Variants in SEMA5A observed in about 807,000 individuals in gnomAD.
SEMA5A encodes the protein semaphorin 5A, also known as semaphorin-5A.
A neutral mutation model predicts 135.5 loss-of-function variants in SEMA5A; 55 were observed. The ratio of observed to expected loss-of-function variants is 0.41; its 90% CI spans 0.33 to 0.51. The LOEUF (loss-of-function observed/expected upper bound fraction) is 0.51. SEMA5A is among the 20% of genes least tolerant of loss of function. SEMA5A has a pLI of 0.37. For synonymous variants in SEMA5A, 580 were observed against 546.5 expected, an observed-to-expected ratio of 1.06 and a Z score of -0.85; for missense variants, 1,290 against 1,419.9, an observed-to-expected ratio of 0.91 and a Z score of 1.47.
At chr5:9,110,432 AT>A (rs2150159847) in intron 15 of SEMA5A, among the ~76,000 whole-genome samples, 1 of 152,340 alleles carries the variant, frequency 6.6e-6, no homozygotes, top group East Asian at 1.9e-4. Flanking sequence ...AGGACGCTGG[AT>A]TGCAACAATT....
intron 21 of SEMA5A, among the ~76,000 whole-genome samples, chr5:9,046,254 C>T (rs1415992088): frequency 1.3e-5 from 2 of 152,182 alleles, no homozygotes; most frequent in Non-Finnish European, 2.9e-5. Context: ...CAACCCTGCA[C>T]CCAGTGAGAC....
intron 12 of SEMA5A, among the ~76,000 whole-genome samples, chr5:9,154,093 A>ATATATATATATATATATGTGTGTGTG (rs372321939): frequency 5.4e-5 from 4 of 73,502 alleles, no homozygotes; most frequent in Non-Finnish European, 7.3e-5. Context: ...ATATATATAT[A>ATATATATATATATATATGTGTGTGTG]TGTGTGTGTG....
intron 11 of SEMA5A, among the ~76,000 whole-genome samples, chr5:9,183,426 C>T (rs1744633627): frequency 6.6e-6 from 1 of 152,176 alleles, no homozygotes; most frequent in Non-Finnish European, 1.5e-5. Flanking sequence ...ATATCCCACT[C>T]CCAGAAGCGT....
At chr5:9,336,262 A>G (rs1753386490) in intron 4 of SEMA5A, among the ~76,000 whole-genome samples, 2 of 152,206 alleles carry the variant, frequency 1.3e-5, no homozygotes, top group South Asian at 4.1e-4. Flanking sequence ...CCATGTGAGA[A>G]TGAAAACAGG....
At chr5:9,381,942 T>TG (rs1755628173) in intron 2 of SEMA5A, among the ~76,000 whole-genome samples, 14 of 109,372 alleles carry the variant, frequency 1.3e-4, no homozygotes, top group African/African-American at 5.0e-4. Context: ...TAGAATCATT[T>TG]TGTGTGTGTG....
chr5:9,142,773 C>T (rs1742135069), intron 12 of SEMA5A, among the ~76,000 whole-genome samples: 1 of 152,160 alleles, frequency 6.6e-6, no homozygotes, highest in South Asian at 2.1e-4. Flanking sequence ...TCAAGACCAG[C>T]TTGGTCAACA....
chr5:9,149,824 G>C (rs1579485041), intron 12 of SEMA5A, among the ~76,000 whole-genome samples: 1 of 152,270 alleles, frequency 6.6e-6, no homozygotes, highest in South Asian at 2.1e-4. Context: ...TTAGAGCACA[G>C]GTCCTGTGGC....
At chr5:9,523,164 A>G (rs1303460174) in intron 1 of SEMA5A, 1 of 152,206 alleles carries the variant, frequency 6.6e-6, no homozygotes, top group Non-Finnish European at 1.5e-5. Context: ...CGTACACAAG[A>G]GAACTGTAAT....
At chr5:9,203,738 A>G (rs1057311456) in intron 8 of SEMA5A, among the ~76,000 whole-genome samples, 5 of 152,204 alleles carry the variant, frequency 3.3e-5, no homozygotes, top group African/African-American at 1.2e-4. Flanking sequence ...AAGTATATCA[A>G]GTAATATACT....
intron 1 of SEMA5A, among the ~76,000 whole-genome samples, chr5:9,470,239 A>T (rs772550236): frequency 2.6e-5 from 4 of 152,186 alleles, no homozygotes; most frequent in Non-Finnish European, 5.9e-5. Context: ...TGCACAAAGA[A>T]GTTTCAGAAG....
intron 2 of SEMA5A, among the ~76,000 whole-genome samples, chr5:9,393,191 C>A (rs912978041): frequency 2.0e-5 from 3 of 152,134 alleles, no homozygotes. Context: ...ATATTAAAAC[C>A]TATGTGATGG....
At chr5:9,354,210 G>A (rs1369073653) in intron 3 of SEMA5A, among the ~76,000 whole-genome samples, 5 of 152,030 alleles carry the variant, frequency 3.3e-5, no homozygotes, top group African/African-American at 4.8e-5. Context: ...TCATTTCAAG[G>A]TACTAACCTG....
chr5:9,091,666 C>T (rs1739043185), intron 16 of SEMA5A, among the ~76,000 whole-genome samples: 1 of 152,184 alleles, frequency 6.6e-6, no homozygotes, highest in South Asian at 2.1e-4. Flanking sequence ...AACAACCCTA[C>T]TGAAGACCCA....
At chr5:9,509,684 T>C (rs1736102095) in intron 1 of SEMA5A, among the ~76,000 whole-genome samples, 1 of 152,204 alleles carries the variant, frequency 6.6e-6, no homozygotes, top group African/African-American at 2.4e-5. Context: ...ATTGTAATAC[T>C]CTAAACTCTG....
chr5:9,524,217 G>A (rs1225964160), intron 1 of SEMA5A, among the ~76,000 whole-genome samples: 1 of 152,172 alleles, frequency 6.6e-6, no homozygotes, highest in East Asian at 1.9e-4. Flanking sequence ...ATGACTGTAA[G>A]TTTCCTGAGG....
intron 5 of SEMA5A, among the ~76,000 whole-genome samples, chr5:9,256,935 A>C (rs1032361846): frequency 1.3e-5 from 2 of 152,242 alleles, no homozygotes; most frequent in East Asian, 1.9e-4. Flanking sequence ...TTCATCTTGC[A>C]TATCTATGTG....
At chr5:9,184,962 C>T (rs1744728419) in intron 11 of SEMA5A, among the ~76,000 whole-genome samples, 1 of 152,128 alleles carries the variant, frequency 6.6e-6, no homozygotes, top group African/African-American at 2.4e-5. Flanking sequence ...GCATCTTACT[C>T]TGCTTCCCAG....
chr5:9,266,818 A>G (rs1749703746), intron 5 of SEMA5A, among the ~76,000 whole-genome samples: 2 of 152,228 alleles, frequency 1.3e-5, no homozygotes, highest in South Asian at 4.1e-4. Context: ...GAATAAATCA[A>G]TACAAACTCA....
At chr5:9,208,923 G>A (rs1489328510) in intron 8 of SEMA5A, among the ~76,000 whole-genome samples, 4 of 152,180 alleles carry the variant, frequency 2.6e-5, no homozygotes, top group African/African-American at 7.2e-5. Context: ...CACTCATTGA[G>A]CCCCTTGACA....
Sources: gnomAD v4.1 joint callset for allele counts (sites outside exome capture counted in the v4.1 genomes callset) on GRCh38, gnomAD v4.1.1 for gene constraint, MANE v1.5 for transcripts, NCBI Gene and HGNC (gene_info 2026-07-23, HGNC 2026-07-21) for gene names.